The following DLG2 variants were observed in gnomAD, a reference collection of about 807,000 sequenced individuals.
The protein encoded by DLG2 is discs large MAGUK scaffold protein 2.
DLG2 carries 45 observed loss-of-function variants against 132.5 expected under a neutral mutation model. That is an observed-to-expected ratio of 0.34 (90% confidence interval 0.27 to 0.44). The LOEUF (loss-of-function observed/expected upper bound fraction) is 0.44. Ranked by LOEUF, DLG2 falls within the 20% of genes least tolerant of loss-of-function variation. The pLI is 1.00. For synonymous variants in DLG2, 424 were observed against 419.6 expected, an observed-to-expected ratio of 1.01 and a Z score of -0.13; for missense variants, 1,045 against 1,196.9, an observed-to-expected ratio of 0.87 and a Z score of 1.87.
At chr11:83,884,243 T>A (rs535469970) in intron 15 of DLG2, among the ~76,000 whole-genome samples, 1 of 152,334 alleles carries the variant, frequency 6.6e-6, no homozygotes, top group African/African-American at 2.4e-5. Context: ...CCCACCCTAA[T>A]ACTGCGCTTT....
Position 84,899,069 on chromosome 11 carries a change from C to G in DLG2, c.357+212592G>C, listed in dbSNP as rs1048249989. Among the ~76,000 whole-genome samples, 6 of 151,976 alleles carry G rather than the reference C, an allele frequency of 3.9e-5. No individual in the cohort carries two copies. The South Asian group carries it at 1.2e-3, about 31-fold the overall frequency. On this transcript the variant is annotated intron_variant, in intron 6 of 27. Transcript: ENST00000376104. ...GAATGAGTGAGTGACTTAAAATAGG[C>G]TTCAATTCCGGCCAACAGAATAGAT...
At chr11:84,409,253 T>C (rs970584187) in intron 7 of DLG2, among the ~76,000 whole-genome samples, 2 of 152,186 alleles carry the variant, frequency 1.3e-5, no homozygotes, top group African/African-American at 2.4e-5. Flanking sequence ...GCAATTAGGA[T>C]GAATCACATG....
At chr11:84,070,710 A>C (rs954321267) in intron 10 of DLG2, among the ~76,000 whole-genome samples, 3 of 152,230 alleles carry the variant, frequency 2.0e-5, no homozygotes, top group Non-Finnish European at 2.9e-5. Flanking sequence ...ACTGGGTTAT[A>C]AGCTAGATAT....
At chr11:84,279,491 A>ATCC (rs1290471561) in intron 7 of DLG2, among the ~76,000 whole-genome samples, 2 of 152,236 alleles carry the variant, frequency 1.3e-5, no homozygotes, top group Admixed American at 1.3e-4. Flanking sequence ...TCATTCTACT[A>ATCC]TAAGGACAAA....
At chr11:84,860,227 T>A (rs948544114) in intron 6 of DLG2, among the ~76,000 whole-genome samples, 9 of 152,164 alleles carry the variant, frequency 5.9e-5, no homozygotes, top group African/African-American at 1.4e-4. Flanking sequence ...AACCTCATAA[T>A]TGTTTCACAT....
chr11:84,152,614 C>T (rs977332957), intron 9 of DLG2, among the ~76,000 whole-genome samples: 1 of 152,062 alleles, frequency 6.6e-6, no homozygotes, highest in Non-Finnish European at 1.5e-5. Flanking sequence ...TCTCGATCTC[C>T]TGACCTCGTG....
intron 19 of DLG2, among the ~76,000 whole-genome samples, chr11:83,628,499 T>C (rs1244865647): frequency 6.6e-6 from 1 of 152,180 alleles, no homozygotes; most frequent in Non-Finnish European, 1.5e-5. Context: ...GGGGAATCAT[T>C]TAACTTCTCC....
At chr11:85,192,099 A>G (rs1002891334) in intron 4 of DLG2, among the ~76,000 whole-genome samples, 1 of 152,222 alleles carries the variant, frequency 6.6e-6, no homozygotes, top group Non-Finnish European at 1.5e-5. Context: ...CACGCTTATC[A>G]TGGTGGAATT....
intron 6 of DLG2, among the ~76,000 whole-genome samples, chr11:85,068,497 T>C (rs1179230798): frequency 6.6e-6 from 1 of 152,118 alleles, no homozygotes; most frequent in African/African-American, 2.4e-5. Flanking sequence ...AGCATTCTTA[T>C]ACACCAATAG....
chr11:84,898,008 A>G (rs1464708483), intron 6 of DLG2, among the ~76,000 whole-genome samples: 1 of 151,952 alleles, frequency 6.6e-6, no homozygotes, highest in East Asian at 1.9e-4. Context: ...ACTTGATGGT[A>G]GGTAAGTTTG....
At chr11:85,248,932 AG>A (rs2076266122) in intron 4 of DLG2, among the ~76,000 whole-genome samples, 1 of 152,116 alleles carries the variant, frequency 6.6e-6, no homozygotes, top group South Asian at 2.1e-4. Flanking sequence ...TTAGGGGCAC[AG>A]GTTTGCCAAT....
chr11:83,625,709 C>T (rs118014786), intron 19 of DLG2, among the ~76,000 whole-genome samples: 12 of 152,284 alleles, frequency 7.9e-5, no homozygotes, highest in African/African-American at 2.2e-4. Flanking sequence ...ATGGGCTGTG[C>T]GTGCTTGTCT....
At chr11:83,882,511 A>G (rs2066566428) in intron 15 of DLG2, among the ~76,000 whole-genome samples, 1 of 152,224 alleles carries the variant, frequency 6.6e-6, no homozygotes, top group African/African-American at 2.4e-5. Context: ...ATGTGCTTTT[A>G]CTTTATATTA....
chr11:83,584,484 G>A (rs1210883083), intron 19 of DLG2, among the ~76,000 whole-genome samples: 3 of 152,168 alleles, frequency 2.0e-5, no homozygotes, highest in African/African-American at 7.2e-5. Flanking sequence ...AGTTACTGAA[G>A]TTGGGTCAAT....
chr11:84,723,762 C>T (rs2062090916), intron 6 of DLG2, among the ~76,000 whole-genome samples: 1 of 152,008 alleles, frequency 6.6e-6, no homozygotes, highest in African/African-American at 2.4e-5. Context: ...TTTTTATAGT[C>T]AAAATAACTA....
chr11:84,617,609 A>G lies in DLG2; in HGVS notation c.358-82878T>C, dbSNP rs61898995. ...AATTTACACGCCCACCAAAAATGTA[A>G]ACGCACTCCAATTTCTCCACATCCT... On this transcript the variant is annotated intron_variant, in intron 6 of 27. Coordinates refer to ENST00000376104, the MANE Select transcript of DLG2 (RefSeq NM_001142699.3). Among the ~76,000 whole-genome samples the G allele has an allele frequency of 9.2e-3, 1,403 of 152,190 alleles. 9 individuals carry two copies. The highest frequency in any genetic ancestry group is 0.016 in the Non-Finnish European group (1,078 of 67,994).
intron 3 of DLG2, among the ~76,000 whole-genome samples, chr11:85,473,088 C>G (rs558536857): frequency 1.3e-5 from 2 of 152,222 alleles, no homozygotes; most frequent in African/African-American, 4.8e-5. Flanking sequence ...TCTTGCAGTA[C>G]GTCTGGTCTA....
chr11:85,302,221 C>T (rs904383467), intron 3 of DLG2, among the ~76,000 whole-genome samples: 1 of 152,142 alleles, frequency 6.6e-6, no homozygotes, highest in African/African-American at 2.4e-5. Context: ...ATGATTTTGC[C>T]CTGAGTGACT....
chr11:84,482,699 G>T (rs1259150591), intron 7 of DLG2, among the ~76,000 whole-genome samples: 1 of 152,158 alleles, frequency 6.6e-6, no homozygotes, highest in African/African-American at 2.4e-5. Context: ...CATATTATTT[G>T]GGCCCATGTC....
Sources: allele counts gnomAD v4.1 joint callset (sites outside exome capture counted in the v4.1 genomes callset), GRCh38; gene constraint gnomAD v4.1.1; transcripts MANE v1.5; gene names NCBI Gene and HGNC (gene_info 2026-07-23, HGNC 2026-07-21).